Variants in ZNF197 observed in about 807,000 individuals in gnomAD.
ZNF197 encodes zinc finger protein 197.
A neutral mutation model predicts 27.4 loss-of-function variants in ZNF197; 14 were observed. That is an observed-to-expected ratio of 0.51 (90% confidence interval 0.34 to 0.80). The LOEUF is 0.80. Among genes scored for constraint, ZNF197 ranks in the 30% least tolerant of loss-of-function variants. The pLI is 0.02. For missense variants in ZNF197, 1,090 were observed against 1,222.6 expected (o/e 0.89, Z 1.62); for synonymous variants, 415 against 420.0 (o/e 0.99, Z 0.15).
At position 44,646,561 on chromosome 3, in the gene ZNF197, G is replaced by T. The variant is rs1702970555; in HGVS notation, c.*2341G>T. 2.7e-6 allele frequency: 3 copies of T among 1,126,248 alleles called. No individual in the cohort carries two copies. Among genetic ancestry groups the T allele is most frequent in the Non-Finnish European group, 1.4e-6 (1 of 735,188 alleles). The allele number at this position is 1,126,248 out of a possible 1,614,324, so 69.8% of individuals were successfully genotyped here. A position where few individuals can be genotyped will look rare whatever the true frequency, so the allele number is the denominator to read the frequency against. Reference sequence around the variant, plus strand: ...GAGAAACAGACACATCCAGAACGTGGAATATTGCATAAGAAAGCTGCCCTG... The same window carrying T: ...GAGAAACAGACACATCCAGAACGTGTAATATTGCATAAGAAAGCTGCCCTG... On this transcript the variant is annotated 3_prime_UTR_variant, in exon 6 of 6. Transcript: ENST00000344387.
chr3:44,639,132 T>C (rs2125816052), intron 5 of ZNF197, among the ~76,000 whole-genome samples: 1 of 152,374 alleles, frequency 6.6e-6, no homozygotes, highest in East Asian at 1.9e-4. Context: ...ATCAATTGGT[T>C]TCCTAGTGTT....
intron 3 of ZNF197, 61 bp from the exon 4 acceptor site, chr3:44,632,044 C>T: frequency 6.9e-7 from 1 of 1,440,502 alleles, no homozygotes; most frequent in Non-Finnish European, 9.8e-7. Flanking sequence ...TCCAGCTCTG[C>T]AAGTGGGGTC....
Position 44,646,114 on chromosome 3 carries a change from T to TA in ZNF197, c.*1896dup. On this transcript the variant is annotated 3_prime_UTR_variant, in exon 6 of 6. Coordinates refer to ENST00000344387, the MANE Select transcript of ZNF197 (RefSeq NM_006991.5). ...CCAAGAGTGAAAACTGGAAGGGGCCTAAGGCTTAAAGTCTTAAGACCTGGA... is the reference window on the plus strand; with the variant it reads ...CCAAGAGTGAAAACTGGAAGGGGCCTAAAGGCTTAAAGTCTTAAGACCTGGA... The TA allele has an allele frequency of 1.0e-6, 1 of 985,420 alleles. No individual in the cohort carries two copies. The highest frequency in any genetic ancestry group is 1.2e-6 in the Non-Finnish European group (1 of 829,926). 61.0% of individuals were successfully genotyped at this position (985,420 alleles called of 1,614,324 possible).
At chr3:44,631,979 G>T (rs894762018) in intron 3 of ZNF197, 126 bp from the exon 4 acceptor site, 24 of 847,794 alleles carry the variant, frequency 2.8e-5, no homozygotes, top group Non-Finnish European at 4.8e-5. Flanking sequence ...GGGATTACAG[G>T]TGTGAGCCAC....
intron 5 of ZNF197, among the ~76,000 whole-genome samples, chr3:44,636,828 G>A (rs183045554): frequency 3.9e-5 from 6 of 152,236 alleles, no homozygotes; most frequent in Admixed American, 6.5e-5. Context: ...TTCCAGCAGC[G>A]TATAAGGGTT....
chr3:44,641,893 T>G lies in ZNF197; in HGVS notation c.770-7T>G, dbSNP rs1345435885. 13 of 1,570,294 alleles carry G rather than the reference T, an allele frequency of 8.3e-6. No individual in the cohort carries two copies. The highest frequency in any genetic ancestry group is 2.0e-5 in the Admixed American group (1 of 50,306). ...GTAACATTTGCATTTTTAATTCCTT[T>G]TACCAGAATGGGAGACCATGACCGA... is the stretch of plus-strand genomic sequence containing the variant. On this transcript the variant is annotated splice_region_variant and splice_polypyrimidine_tract_variant and intron_variant, in intron 5 of 5. Coordinates refer to ENST00000344387, the MANE Select transcript of ZNF197 (RefSeq NM_006991.5).
chr3:44,642,583 A>G lies in ZNF197; in HGVS notation c.1453A>G (p.Asn485Asp), dbSNP rs1479203410. The change falls in exon 6 of 6, where the codon AAT (asparagine) becomes GAT (aspartate). Residue 485 changes from asparagine to aspartate, a missense_variant. By Grantham distance (23) the Asn-to-Asp change is conservative. Coordinates refer to ENST00000344387, the MANE Select transcript of ZNF197 (RefSeq NM_006991.5). ...TTCAGGGGAGAGACCTTATAAGTGT[A>G]ATGAATGTGGGAAAGTCTTCTCTCA... ...RHSGERPYKC[N>D]ECGKVFSQNA... The G allele has an allele frequency of 6.2e-7, 1 of 1,614,036 alleles. No homozygotes were observed. The highest frequency in any genetic ancestry group is 1.3e-5 in the African/African-American group (1 of 74,932).
Position 44,629,394 on chromosome 3 carries a change from G to A in ZNF197, c.240G>A (p.Gln80=). 1 of 1,614,186 alleles carries A rather than the reference G, an allele frequency of 6.2e-7. No individual in the cohort carries two copies. Among genetic ancestry groups the A allele is most frequent in the Non-Finnish European group, 8.5e-7 (1 of 1,180,028 alleles). ...WLRPEARTKA[Q]ILELLVLEQF... is the part of the protein sequence containing the mutation. Reference sequence around the variant, plus strand: ...GACCAGAAGCACGCACCAAGGCACAGATCCTGGAGCTGCTGGTGCTGGAGC... The same window carrying A: ...GACCAGAAGCACGCACCAAGGCACAAATCCTGGAGCTGCTGGTGCTGGAGC... The change falls in exon 2 of 6, where the codon CAG becomes CAA. Residue 80 remains glutamine (Q), a synonymous_variant. Transcript: ENST00000344387.
At chr3:44,634,255 A>G (rs1436278429) in intron 5 of ZNF197, among the ~76,000 whole-genome samples, 1 of 152,078 alleles carries the variant, frequency 6.6e-6, no homozygotes, top group African/African-American at 2.4e-5. Flanking sequence ...ACTCCTATTC[A>G]TATACTTCCT....
intron 2 of ZNF197, among the ~76,000 whole-genome samples, chr3:44,630,393 C>T (rs1366151823): frequency 1.3e-5 from 2 of 152,138 alleles, no homozygotes; most frequent in Non-Finnish European, 2.9e-5. Context: ...TTAATGTAGC[C>T]TCTCATGTGT....
Position 44,632,386 on chromosome 3 carries a change from A to C in ZNF197, c.643-87A>C, listed in dbSNP as rs1410869574. 2.0e-6 allele frequency: 3 copies of C among 1,534,470 alleles called. No individual in the cohort carries two copies. In the East Asian group the frequency reaches 6.8e-5, roughly 35 times the overall value. ...GTCTGTTATGCACTCATGGCCTCAC[A>C]GTGTATCCCTTCCCCAGAAGTGAAG... On this transcript the variant is annotated intron_variant, in intron 4 of 5. Coordinates refer to ENST00000344387, the MANE Select transcript of ZNF197 (RefSeq NM_006991.5).
rs747206499 is a variant in ZNF197, at chr3:44,642,960, T to TA, written c.1830_1831insA (p.Asp611ArgfsTer3). ...TTTTCAGTTCTAAGTCAAACTTCAT[T>TA]GACCATAAGAGGATGCACAGCAGAG... On this transcript the variant is annotated frameshift_variant, in exon 6 of 6. Transcript: ENST00000344387. LOFTEE classifies it low-confidence loss of function (END_TRUNC). The TA allele has an allele frequency of 6.2e-7, 1 of 1,613,868 alleles. No homozygotes were observed. The highest frequency in any genetic ancestry group is 1.7e-5 in the Admixed American group (1 of 59,962).
intron 5 of ZNF197, among the ~76,000 whole-genome samples, chr3:44,634,694 C>T (rs1370786827): frequency 3.9e-5 from 6 of 152,210 alleles, no homozygotes; most frequent in Non-Finnish European, 8.8e-5. Context: ...AGGTGATCCA[C>T]CCGCCTCAGC....
intron 5 of ZNF197, among the ~76,000 whole-genome samples, chr3:44,641,098 T>C (rs1472616741): frequency 6.6e-6 from 1 of 152,228 alleles, no homozygotes; most frequent in Non-Finnish European, 1.5e-5. Context: ...GAAAGTAAAC[T>C]TCCAAAACAT....
intron 5 of ZNF197, among the ~76,000 whole-genome samples, chr3:44,634,584 G>A (rs1702180047): frequency 3.3e-5 from 5 of 151,192 alleles, no homozygotes; most frequent in Admixed American, 2.0e-4. Context: ...CAAGTAGCTG[G>A]GACTACAGGC....
Position 44,642,565 on chromosome 3 carries a change from G to C in ZNF197, c.1435G>C (p.Glu479Gln), listed in dbSNP as rs766335478. The C allele has an allele frequency of 3.1e-5, 50 of 1,614,052 alleles. No homozygotes were observed. The highest frequency in any genetic ancestry group is 4.0e-5 in the Non-Finnish European group (47 of 1,180,032). ...TATACATCTAAGGCGCCATTCAGGG[G>C]AGAGACCTTATAAGTGTAATGAATG... is the stretch of plus-strand genomic sequence containing the variant. ...LIIHLRRHSGERPYKCNECGK... is the reference protein window; with the variant it reads ...LIIHLRRHSGQRPYKCNECGK... The change falls in exon 6 of 6, where the codon GAG (glutamate) becomes CAG (glutamine). Residue 479 changes from glutamate (E) to glutamine (Q), a missense_variant. Glu to Gln is a conservative substitution (Grantham distance 29). Transcript: ENST00000344387.
At position 44,642,538 on chromosome 3, in the gene ZNF197, A is replaced by C. The variant is rs767276884; in HGVS notation, c.1408A>C (p.Ile470Leu). Residue 470 changes from isoleucine to leucine, a missense_variant, in exon 6 of 6, where the codon ATT becomes CTT. Ile to Leu is a conservative substitution (Grantham distance 5, BLOSUM62 2). Coordinates refer to ENST00000344387, the MANE Select transcript of ZNF197 (RefSeq NM_006991.5). ...GGGCTTCTATAGGCACTCAGGCCTA[A>C]TTATACATCTAAGGCGCCATTCAGG... ...GKGFYRHSGL[I>L]IHLRRHSGER... 13 of 1,613,926 alleles carry C rather than the reference A, an allele frequency of 8.1e-6. No homozygotes were observed. The highest frequency in any genetic ancestry group is 1.1e-5 in the Non-Finnish European group (13 of 1,179,982).
chr3:44,636,087 G>A (rs1002249116), intron 5 of ZNF197, among the ~76,000 whole-genome samples: 1 of 152,102 alleles, frequency 6.6e-6, no homozygotes, highest in Non-Finnish European at 1.5e-5. Flanking sequence ...GGCGGATCAC[G>A]AGGTCAGGAG....
In ZNF197 at chr3:44,642,915, T is replaced by C. The variant is rs1575495495; in HGVS notation, c.1785T>C (p.Gly595=). ...TCCACACAGAAAAGAAAACCTTTGG[T>C]TGTAAAAAGTGTGGGAAGATTTTCA... ...QRVHTEKKTF[G]CKKCGKIFSS... Residue 595 remains glycine (G), a synonymous_variant, in exon 6 of 6, where the codon GGT becomes GGC. Transcript: ENST00000344387. 2.5e-6 allele frequency: 4 copies of C among 1,613,992 alleles called. No homozygotes were observed. The African/African-American group carries it at 5.3e-5, about 22-fold the overall frequency.
Sources: allele counts gnomAD v4.1 joint callset (sites outside exome capture counted in the v4.1 genomes callset), GRCh38; gene constraint gnomAD v4.1.1; transcripts MANE v1.5; gene names NCBI Gene and HGNC (gene_info 2026-07-23, HGNC 2026-07-21).